ADAMTSL1: variants seen among roughly 807,000 people sequenced by gnomAD.
ADAMTSL1 encodes ADAMTS like 1, also known as ADAMTS-like protein 1.
Under a neutral mutation model 201.8 loss-of-function variants are expected in ADAMTSL1, and 126 were observed. That is an observed-to-expected ratio of 0.62 (90% CI 0.54 to 0.72). The LOEUF (loss-of-function observed/expected upper bound fraction) is 0.72, where lower values mean the gene tolerates loss of function less well. Among genes scored for constraint, ADAMTSL1 ranks in the 30% least tolerant of loss-of-function variants. The pLI is 0.00. For missense variants in ADAMTSL1, 2,679 were observed against 2,277.8 expected (o/e 1.18, Z -3.59); for synonymous variants, 1,121 against 903.4 (o/e 1.24, Z -4.32).
chr9:17,975,797 G>T (rs934997879), intron 1 of ADAMTSL1, among the ~76,000 whole-genome samples: 1 of 151,844 alleles, frequency 6.6e-6, no homozygotes, highest in African/African-American at 2.4e-5. Context: ...ATCATTGCCC[G>T]GATCAATGTC....
At chr9:18,628,946 C>T (rs919583536) in intron 5 of ADAMTSL1, among the ~76,000 whole-genome samples, 8 of 152,182 alleles carry the variant, frequency 5.3e-5, no homozygotes, top group African/African-American at 1.9e-4. Context: ...ACACTACAGA[C>T]CCACATTCCT....
intron 2 of ADAMTSL1, among the ~76,000 whole-genome samples, chr9:18,346,548 C>T (rs1234940608): frequency 6.6e-6 from 1 of 152,182 alleles, no homozygotes; most frequent in African/African-American, 2.4e-5. Context: ...AACCCTAGCA[C>T]TGTGCCTGGA....
intron 1 of ADAMTSL1, among the ~76,000 whole-genome samples, chr9:17,958,163 C>G (rs1828001804): frequency 6.6e-6 from 1 of 152,120 alleles, no homozygotes; most frequent in Admixed American, 6.6e-5. Flanking sequence ...CATTCAAACC[C>G]TACTATTTAA....
At chr9:18,517,384 A>G (rs977217138) in intron 2 of ADAMTSL1, among the ~76,000 whole-genome samples, 1 of 151,542 alleles carries the variant, frequency 6.6e-6, no homozygotes, top group Non-Finnish European at 1.5e-5. Flanking sequence ...ATTTAATTTC[A>G]TTTTAAACTT....
chr9:18,842,800 G>T (rs59659899), intron 23 of ADAMTSL1, among the ~76,000 whole-genome samples: 4,544 of 151,856 alleles, frequency 0.03, 218 homozygotes, highest in African/African-American at 0.1. Flanking sequence ...TGACCTTCTT[G>T]GTCTCTTTTG....
chr9:18,508,000 T>C (rs927153932), intron 2 of ADAMTSL1, among the ~76,000 whole-genome samples: 1 of 151,876 alleles, frequency 6.6e-6, no homozygotes, highest in Non-Finnish European at 1.5e-5. Flanking sequence ...GCCTGGCCAA[T>C]ATGGACAAAC....
intron 2 of ADAMTSL1, among the ~76,000 whole-genome samples, chr9:18,453,133 C>T (rs1587259303): frequency 6.6e-6 from 1 of 152,190 alleles, no homozygotes; most frequent in Admixed American, 6.6e-5. Flanking sequence ...CACCATGTAG[C>T]CGTTGCCAAG....
intron 2 of ADAMTSL1, among the ~76,000 whole-genome samples, chr9:18,388,985 G>GACCTCATGATCCACCCTCCTC (rs1343641676): frequency 6.6e-6 from 1 of 151,956 alleles, no homozygotes; most frequent in Non-Finnish European, 1.5e-5. Context: ...TTGAACTCCT[G>GACCTCATGATCCACCCTCCTC]ACCTCATGAT....
intron 19 of ADAMTSL1, among the ~76,000 whole-genome samples, chr9:18,794,639 G>GT (rs542611561): frequency 0.076 from 8,495 of 111,258 alleles, 276 homozygotes; most frequent in Middle Eastern, 0.098. Flanking sequence ...TTTTTTTGTT[G>GT]TTGTTGTTTT....
intron 15 of ADAMTSL1, among the ~76,000 whole-genome samples, chr9:18,752,965 A>G (rs1819547080): frequency 6.6e-6 from 1 of 152,180 alleles, no homozygotes; most frequent in Non-Finnish European, 1.5e-5. Flanking sequence ...CAAAGCCTTT[A>G]TGTACTCAAT....
intron 4 of ADAMTSL1, 56 bp from the exon 5 acceptor site, chr9:18,622,187 T>C: frequency 6.3e-7 from 1 of 1,591,244 alleles, no homozygotes; most frequent in Non-Finnish European, 8.6e-7. Flanking sequence ...GGCCTCATAA[T>C]GGATTTTGCC....
intron 2 of ADAMTSL1, among the ~76,000 whole-genome samples, chr9:18,266,810 T>C (rs1295093514): frequency 2.0e-5 from 3 of 152,170 alleles, no homozygotes; most frequent in Non-Finnish European, 4.4e-5. Context: ...TTTTTTCTTT[T>C]AATAAATCTT....
chr9:18,510,949 A>C (rs1290321636), intron 2 of ADAMTSL1, among the ~76,000 whole-genome samples: 1 of 152,142 alleles, frequency 6.6e-6, no homozygotes, highest in Non-Finnish European at 1.5e-5. Flanking sequence ...TTTAATACTA[A>C]AGATCTATCT....
At position 18,314,305 on chromosome 9, in the gene ADAMTSL1, T is replaced by A. The variant is rs73428993; in HGVS notation, c.207+150324T>A. Among the ~76,000 whole-genome samples the A allele has an allele frequency of 4.7e-3, 719 of 152,240 alleles. 9 individuals are homozygous for A. The highest frequency in any genetic ancestry group is 0.016 in the African/African-American group (680 of 41,550). On this transcript the variant is annotated intron_variant, in intron 2 of 29. Transcript: ENST00000680146. ...TTCTTCTCAAAATTAAAAGTAGAAC[T>A]ATTGTGTCCGGAATTGGTGGGTTCT...
At chr9:18,696,943 G>T (rs1831594316) in intron 13 of ADAMTSL1, among the ~76,000 whole-genome samples, 1 of 150,966 alleles carries the variant, frequency 6.6e-6, no homozygotes, top group African/African-American at 2.4e-5. Context: ...GCAGTGGTGT[G>T]ATCTCAGCTC....
At chr9:18,543,493 G>A (rs1246840073) in intron 3 of ADAMTSL1, among the ~76,000 whole-genome samples, 1 of 152,130 alleles carries the variant, frequency 6.6e-6, no homozygotes, top group East Asian at 1.9e-4. Flanking sequence ...TCAGTATCTT[G>A]CAAATAAATT....
intron 2 of ADAMTSL1, among the ~76,000 whole-genome samples, chr9:18,238,645 C>G (rs566785642): frequency 6.6e-6 from 1 of 152,240 alleles, no homozygotes; most frequent in African/African-American, 2.4e-5. Flanking sequence ...TCTCTAATAT[C>G]ATAGAAAGAG....
chr9:18,537,196 G>T lies in ADAMTSL1; in HGVS notation c.237+3904G>T, dbSNP rs1000359069. On this transcript the variant is annotated intron_variant, in intron 3 of 28. Coordinates refer to ENST00000380548, the MANE Select transcript of ADAMTSL1 (RefSeq NM_001040272.6). ...CCTTTCATTCTAATGGAGAAAAAGAGATTACAAACAAGCATGGAAACAAAT... is the reference window on the plus strand; with the variant it reads ...CCTTTCATTCTAATGGAGAAAAAGATATTACAAACAAGCATGGAAACAAAT... Among the ~76,000 whole-genome samples the T allele has an allele frequency of 5.3e-5, 8 of 152,230 alleles. No individual in the cohort carries two copies. The East Asian group carries it at 1.5e-3, about 29-fold the overall frequency.
intron 1 of ADAMTSL1, among the ~76,000 whole-genome samples, chr9:17,945,894 C>T (rs1251200415): frequency 6.6e-6 from 1 of 151,200 alleles, no homozygotes; most frequent in African/African-American, 2.4e-5. Context: ...TGCAGCACAC[C>T]AGCATGGCAC....
Sources: gnomAD v4.1 joint callset for allele counts (sites outside exome capture counted in the v4.1 genomes callset) on GRCh38, gnomAD v4.1.1 for gene constraint, MANE v1.5 for transcripts, NCBI Gene and HGNC (gene_info 2026-07-23, HGNC 2026-07-21) for gene names.